Variants in CD226 observed in about 807,000 individuals in gnomAD.
CD226 encodes CD226 antigen.
CD226 carries 24 observed loss-of-function variants against 34.9 expected under a neutral mutation model. The ratio of observed to expected loss-of-function variants is 0.69; its 90% CI spans 0.50 to 0.97. The LOEUF is 0.97. Ranked by LOEUF, CD226 falls within the 50% of genes least tolerant of loss-of-function variation. The probability of loss-of-function intolerance (pLI) is 0.00; values close to 1 mark genes in which losing one functional copy is unlikely to be tolerated. For synonymous variants in CD226, 148 were observed against 147.4 expected (o/e 1.00, Z -0.03); for missense variants, 397 against 412.7 (o/e 0.96, Z 0.33).
chr18:69,862,714 C>T lies in CD226; in HGVS notation c.*1600G>A, dbSNP rs1198505591. On this transcript the variant is annotated 3_prime_UTR_variant, in exon 6 of 6. Coordinates refer to ENST00000582621, the MANE Select transcript of CD226 (RefSeq NM_001303618.2). Reference sequence around the variant, plus strand: ...TATTTGGCATACATGGTGTTTAAGGCTAAAATCATAAAATACTCACTAATT... The same window carrying T: ...TATTTGGCATACATGGTGTTTAAGGTTAAAATCATAAAATACTCACTAATT... 1 of 130,750 alleles carries T rather than the reference C, an allele frequency of 7.6e-6. No homozygotes were observed. 8.1% of individuals were successfully genotyped at this position (130,750 alleles called of 1,614,324 possible).
In CD226 at chr18:69,947,443, A is replaced by AC; in HGVS notation, c.-38_-37insG. The AC allele has an allele frequency of 5.4e-6, 8 of 1,485,902 alleles. No homozygotes were observed. Among genetic ancestry groups the AC allele is most frequent in the Non-Finnish European group, 6.4e-6 (7 of 1,091,142 alleles). The allele number at this position is 1,485,902 out of a possible 1,614,324, so 92.0% of individuals were successfully genotyped here. On this transcript the variant is annotated 5_prime_UTR_variant, in exon 1 of 6. Coordinates refer to ENST00000582621, the MANE Select transcript of CD226 (RefSeq NM_001303618.2). ...GTTTGAAAGGCTGGTTCTATTAAAA[A>AC]AAAAAATTGCTTTTTATAATGTGAC...
chr18:69,861,007 A>C lies in CD226; in HGVS notation c.*3307T>G, dbSNP rs924641094. The C allele has an allele frequency of 6.6e-6, 1 of 152,096 alleles. No individual in the cohort carries two copies. The highest frequency in any genetic ancestry group is 1.5e-5 in the Non-Finnish European group (1 of 67,950). 9.4% of individuals were successfully genotyped at this position (152,096 alleles called of 1,614,324 possible). The stretch of plus-strand genomic sequence containing the variant: ...TACAATGTGGACTCTCTCAATTTAG[A>C]AAACTACTGTTATACAGCTGTAATT... On this transcript the variant is annotated 3_prime_UTR_variant, in exon 6 of 6. Transcript: ENST00000582621.
Position 69,864,271 on chromosome 18 carries a change from G to A in CD226, c.*43C>T, listed in dbSNP as rs1202609646. 1 of 1,604,526 alleles carries A rather than the reference G, an allele frequency of 6.2e-7. No homozygotes were observed. The highest frequency in any genetic ancestry group is 8.5e-7 in the Non-Finnish European group (1 of 1,172,486). Reference sequence around the variant, plus strand: ...AAATTGCATAAAGATCCATGCATGAGTACATAAGAGTCATTACTAATGCAC... The same window carrying A: ...AAATTGCATAAAGATCCATGCATGAATACATAAGAGTCATTACTAATGCAC... On this transcript the variant is annotated 3_prime_UTR_variant, in exon 6 of 6. Coordinates refer to ENST00000582621, the MANE Select transcript of CD226 (RefSeq NM_001303618.2).
chr18:69,953,314 C>A (rs1196521633), intron 1 of CD226, among the ~76,000 whole-genome samples: 2 of 152,158 alleles, frequency 1.3e-5, no homozygotes, highest in Non-Finnish European at 2.9e-5. Flanking sequence ...ACGATCCAAG[C>A]GTCTGCCAAC....
intron 2 of CD226, among the ~76,000 whole-genome samples, chr18:69,934,535 G>C (rs1462174044): frequency 6.6e-6 from 1 of 152,172 alleles, no homozygotes; most frequent in Non-Finnish European, 1.5e-5. Context: ...ACCACTGTGT[G>C]CAGATATGAT....
rs56118102 is a variant in CD226 at position 69,924,692 on chromosome 18, C to CAAAAAAAAAAA, written c.382+22031_382+22041dup. On this transcript the variant is annotated intron_variant, in intron 2 of 5. Coordinates refer to ENST00000582621, the MANE Select transcript of CD226 (RefSeq NM_001303618.2). Reference sequence around the variant, plus strand: ...GGCAACAGTAGGATGAAGGTATTGCCAAAAAAAAAAAAAAAAAAAAGAATC... The same window carrying CAAAAAAAAAAA: ...GGCAACAGTAGGATGAAGGTATTGCCAAAAAAAAAAAAAAAAAAAAAAAAAAAAAAAGAATC... 1.7e-3 allele frequency among the ~76,000 whole-genome samples: 98 copies of CAAAAAAAAAAA among 57,096 alleles called. 2 individuals carry two copies. Among genetic ancestry groups the CAAAAAAAAAAA allele is most frequent in the East Asian group, 4.1e-3 (5 of 1,218 alleles). 37.5% of individuals were successfully genotyped at this position (57,096 alleles called of 152,430 possible). A position where few individuals can be genotyped will look rare whatever the true frequency, so the allele number is the denominator to read the frequency against.
In CD226 at chr18:69,855,641, G is replaced by T. The variant is rs1982589772; in HGVS notation, c.*8673C>A. On this transcript the variant is annotated 3_prime_UTR_variant, in exon 6 of 6. Coordinates refer to ENST00000582621, the MANE Select transcript of CD226 (RefSeq NM_001303618.2). ...TAGAATAAATACCAAAAAAAAGAGGGGAAAAGGAGAAAAACCTAGGTTGAT... is the reference window on the plus strand; with the variant it reads ...TAGAATAAATACCAAAAAAAAGAGGTGAAAAGGAGAAAAACCTAGGTTGAT... 1 of 151,784 alleles carries T rather than the reference G, an allele frequency of 6.6e-6. No homozygotes were observed. Among genetic ancestry groups the T allele is most frequent in the Admixed American group, 6.6e-5 (1 of 15,240 alleles). The allele number at this position is 151,784 out of a possible 1,614,324, so 9.4% of individuals were successfully genotyped here.
At chr18:69,939,466 C>T (rs1434955179) in intron 2 of CD226, among the ~76,000 whole-genome samples, 1 of 152,084 alleles carries the variant, frequency 6.6e-6, no homozygotes, top group Non-Finnish European at 1.5e-5. Flanking sequence ...GTAGAGTATC[C>T]TAATGTGTGA....
At chr18:69,867,011 T>C (rs1983190385) in intron 5 of CD226, among the ~76,000 whole-genome samples, 1 of 152,200 alleles carries the variant, frequency 6.6e-6, no homozygotes, top group African/African-American at 2.4e-5. Context: ...TCCAGAATTA[T>C]GGAAGAATAG....
chr18:69,949,047 T>C (rs899609669), upstream of CD226, among the ~76,000 whole-genome samples: 16 of 152,100 alleles, frequency 1.1e-4, no homozygotes, highest in South Asian at 6.2e-4. Context: ...TTTCAGGAAA[T>C]GGTGTGACTA....
At chr18:69,923,898 G>A (rs1489051027) in intron 2 of CD226, among the ~76,000 whole-genome samples, 1 of 150,456 alleles carries the variant, frequency 6.6e-6, no homozygotes, top group African/African-American at 2.5e-5. Flanking sequence ...AGCTTGCAGT[G>A]AGCCGAGATC....
chr18:69,873,640 A>G (rs1268976776), intron 3 of CD226, among the ~76,000 whole-genome samples: 1 of 151,958 alleles, frequency 6.6e-6, no homozygotes, highest in Non-Finnish European at 1.5e-5. Flanking sequence ...GAGGTTTAGG[A>G]GAGGGGATCA....
Position 69,861,605 on chromosome 18 carries a change from C to G in CD226, c.*2709G>C, listed in dbSNP as rs143354527. On this transcript the variant is annotated 3_prime_UTR_variant, in exon 6 of 6. Coordinates refer to ENST00000582621, the MANE Select transcript of CD226 (RefSeq NM_001303618.2). Reference sequence around the variant, plus strand: ...CTTAAGAAGCATTTTGCTTCCAAAGCAGCAACTTGTAAAAAGTATCTGTAT... The same window carrying G: ...CTTAAGAAGCATTTTGCTTCCAAAGGAGCAACTTGTAAAAAGTATCTGTAT... The G allele has an allele frequency of 2.2e-5, 3 of 134,350 alleles. No homozygotes were observed. Among genetic ancestry groups the G allele is most frequent in the African/African-American group, 8.0e-5 (3 of 37,480 alleles). The allele number at this position is 134,350 out of a possible 1,614,324, so 8.3% of individuals were successfully genotyped here. A position where few individuals can be genotyped will look rare whatever the true frequency, so the allele number is the denominator to read the frequency against.
chr18:69,937,985 G>A (rs2055675735), intron 2 of CD226, among the ~76,000 whole-genome samples: 1 of 152,198 alleles, frequency 6.6e-6, no homozygotes, highest in Admixed American at 6.5e-5. Context: ...CCTGGACAGA[G>A]AACACTTGTC....
upstream of CD226, among the ~76,000 whole-genome samples, chr18:69,958,204 G>C (rs1321408534): frequency 6.6e-6 from 1 of 152,110 alleles, no homozygotes; most frequent in East Asian, 1.9e-4. Flanking sequence ...TTTTTTACTA[G>C]AGCCTGACAG....
rs114636659 is a variant in CD226, at chr18:69,943,997, T to C, written c.382+2737A>G. On this transcript the variant is annotated intron_variant, in intron 2 of 5. Coordinates refer to ENST00000582621, the MANE Select transcript of CD226 (RefSeq NM_001303618.2). ...TCTTTTTTTTTTTTTTTTTACTATT[T>C]AATGTATTTTCAACTCCCCCTTTAC... Among the ~76,000 whole-genome samples the C allele has an allele frequency of 2.2e-3, 339 of 151,412 alleles. 1 individual carries two copies. Among genetic ancestry groups the C allele is most frequent in the African/African-American group, 7.9e-3 (325 of 41,362 alleles).
At chr18:69,934,745 T>C (rs11665349) in intron 2 of CD226, among the ~76,000 whole-genome samples, 116,168 of 152,170 alleles carry the variant, frequency 0.76, 51,516 homozygotes, top group East Asian at 1. Flanking sequence ...TATTGGATTG[T>C]GAATAATCTC....
chr18:69,868,799 G>GCACA (rs1305454245), intron 4 of CD226, among the ~76,000 whole-genome samples: 3 of 64,896 alleles, frequency 4.6e-5, no homozygotes, highest in Non-Finnish European at 3.8e-5. Flanking sequence ...ACGTGCGCGT[G>GCACA]CACGCACACA....
intron 2 of CD226, among the ~76,000 whole-genome samples, chr18:69,939,991 T>A (rs1369454613): frequency 6.6e-6 from 1 of 152,228 alleles, no homozygotes; most frequent in East Asian, 1.9e-4. Flanking sequence ...GTAGTTCCCA[T>A]AACCCTCACG....
Sources: allele counts gnomAD v4.1 joint callset (sites outside exome capture counted in the v4.1 genomes callset), GRCh38; gene constraint gnomAD v4.1.1; transcripts MANE v1.5; gene names NCBI Gene and HGNC (gene_info 2026-07-23, HGNC 2026-07-21).